The following KCNIP4 variants were observed in gnomAD, a reference collection of about 807,000 sequenced individuals.
KCNIP4 encodes Kv channel-interacting protein 4.
Under a neutral mutation model 34.0 loss-of-function variants are expected in KCNIP4, and 12 were observed. That is an observed-to-expected ratio of 0.35 (90% CI 0.23 to 0.57). The LOEUF (loss-of-function observed/expected upper bound fraction) is 0.57. KCNIP4 is among the 20% of genes least tolerant of loss of function. The probability of loss-of-function intolerance (pLI) is 0.83; values close to 1 mark genes in which losing one functional copy is unlikely to be tolerated. For synonymous variants in KCNIP4, 124 were observed against 102.2 expected (o/e 1.21, Z -1.29); for missense variants, 238 against 311.7 (o/e 0.76, Z 1.78).
chr4:21,260,612 C>T (rs1056818666), intron 1 of KCNIP4, among the ~76,000 whole-genome samples: 1 of 152,160 alleles, frequency 6.6e-6, no homozygotes, highest in Non-Finnish European at 1.5e-5. Flanking sequence ...GGCTTTAAGA[C>T]TAGTCACAAA....
chr4:20,910,197 TTAGAG>T (rs1310732837), intron 1 of KCNIP4, among the ~76,000 whole-genome samples: 4 of 152,312 alleles, frequency 2.6e-5, no homozygotes, highest in African/African-American at 9.6e-5. Context: ...TCACCTCACT[TTAGAG>T]TAGTAAATCT....
intron 1 of KCNIP4, among the ~76,000 whole-genome samples, chr4:21,500,871 T>A (rs10026331): frequency 0.046 from 6,950 of 152,178 alleles, 496 homozygotes; most frequent in African/African-American, 0.16. Flanking sequence ...GAGGATGACA[T>A]CAATCACATC....
intron 3 of KCNIP4, among the ~76,000 whole-genome samples, chr4:20,848,399 G>A (rs1720626908): frequency 2.0e-5 from 3 of 151,348 alleles, no homozygotes; most frequent in Admixed American, 2.0e-4. Flanking sequence ...TAAGAGGTGG[G>A]GTCAGAAGGA....
intron 1 of KCNIP4, among the ~76,000 whole-genome samples, chr4:21,441,374 A>G (rs1016743395): frequency 1.3e-5 from 2 of 151,654 alleles, no homozygotes; most frequent in Admixed American, 1.3e-4. Flanking sequence ...CGATCTCCTG[A>G]CCTCGTGATC....
At chr4:21,632,131 C>G (rs1745807679) in intron 1 of KCNIP4, among the ~76,000 whole-genome samples, 1 of 152,144 alleles carries the variant, frequency 6.6e-6, no homozygotes. Context: ...TGATGATCTT[C>G]TAACATAATA....
intron 3 of KCNIP4, among the ~76,000 whole-genome samples, chr4:20,778,819 T>C (rs1324572332): frequency 6.6e-6 from 1 of 152,174 alleles, no homozygotes; most frequent in East Asian, 1.9e-4. Context: ...AGGAATTTTA[T>C]GTAAGAGTAT....
intron 3 of KCNIP4, among the ~76,000 whole-genome samples, chr4:20,837,389 G>T (rs998631605): frequency 1.3e-5 from 2 of 151,942 alleles, no homozygotes; most frequent in South Asian, 2.1e-4. Context: ...ATGCCTGCAG[G>T]ATCACTGGAA....
chr4:20,832,932 T>C (rs1411133183), intron 3 of KCNIP4, among the ~76,000 whole-genome samples: 2 of 152,182 alleles, frequency 1.3e-5, no homozygotes, highest in Non-Finnish European at 1.5e-5. Context: ...TGCTTTCTTT[T>C]ATTATTTGGA....
chr4:21,700,059 A>C (rs1387440641), intron 1 of KCNIP4, among the ~76,000 whole-genome samples: 1 of 152,202 alleles, frequency 6.6e-6, no homozygotes, highest in African/African-American at 2.4e-5. Context: ...TTAGTTTGGG[A>C]CATGAATAAC....
intron 1 of KCNIP4, among the ~76,000 whole-genome samples, chr4:20,930,242 A>T (rs556733331): frequency 6.6e-6 from 1 of 152,086 alleles, no homozygotes; most frequent in African/African-American, 2.4e-5. Context: ...CAAGGGTACC[A>T]ACAGGACACC....
chr4:21,833,693 T>C (rs1723141496), intron 1 of KCNIP4, among the ~76,000 whole-genome samples: 1 of 151,852 alleles, frequency 6.6e-6, no homozygotes, highest in South Asian at 2.1e-4. Flanking sequence ...TGGTAATGCC[T>C]AGGTTTTCTT....
In KCNIP4 at chr4:20,888,200, G is replaced by C. The variant is rs567801648; in HGVS notation, c.62-5491C>G. On this transcript the variant is annotated intron_variant, in intron 1 of 8. Transcript: ENST00000382152. The stretch of plus-strand genomic sequence containing the variant: ...GAATAGAGGGACAAAAAGTAGAAGG[G>C]ATGAGTAGAAAATACATAAGATAGT... Among the ~76,000 whole-genome samples the C allele has an allele frequency of 2.0e-5, 3 of 152,030 alleles. 1 individual carries two copies. The highest frequency in any genetic ancestry group is 7.2e-5 in the African/African-American group (3 of 41,514).
chr4:21,504,475 A>AAAAAAAAAAAAAAAGAAAG (rs1264431211), intron 1 of KCNIP4, among the ~76,000 whole-genome samples: 4 of 101,878 alleles, frequency 3.9e-5, no homozygotes, highest in African/African-American at 1.2e-4. Context: ...CAAAAAAAAA[A>AAAAAAAAAAAAAAAGAAAG]AAAGAAAGAA....
intron 1 of KCNIP4, among the ~76,000 whole-genome samples, chr4:21,620,641 C>G (rs1032889758): frequency 2.0e-5 from 3 of 152,090 alleles, no homozygotes; most frequent in African/African-American, 7.2e-5. Flanking sequence ...GAAAAAATAG[C>G]ATTGATGAAA....
chr4:20,859,623 A>G (rs534471983), intron 2 of KCNIP4, among the ~76,000 whole-genome samples: 77 of 152,198 alleles, frequency 5.1e-4, no homozygotes, highest in African/African-American at 1.8e-3. Flanking sequence ...TTGGAATTCA[A>G]ATCATCTAGG....
At chr4:21,857,600 C>T (rs1441167597) in intron 1 of KCNIP4, among the ~76,000 whole-genome samples, 2 of 152,076 alleles carry the variant, frequency 1.3e-5, no homozygotes, top group African/African-American at 2.4e-5. Context: ...GCTGAACACT[C>T]GTCAGGACAC....
intron 1 of KCNIP4, among the ~76,000 whole-genome samples, chr4:21,068,744 T>G (rs1412719150): frequency 6.6e-6 from 1 of 152,234 alleles, no homozygotes; most frequent in East Asian, 1.9e-4. Flanking sequence ...GTAATAGTAC[T>G]TGCCACCATA....
intron 1 of KCNIP4, among the ~76,000 whole-genome samples, chr4:20,930,836 T>C: frequency 9.9e-6 from 1 of 101,522 alleles, no homozygotes; most frequent in Non-Finnish European, 2.4e-5. Context: ...GGATGGCTAT[T>C]ATAAAAAAAA....
At chr4:20,958,038 C>A (rs1733487104) in intron 1 of KCNIP4, among the ~76,000 whole-genome samples, 1 of 152,160 alleles carries the variant, frequency 6.6e-6, no homozygotes, top group Non-Finnish European at 1.5e-5. Flanking sequence ...AATCATCGAG[C>A]CAGGCAAGGA....
Sources: allele counts gnomAD v4.1 joint callset (sites outside exome capture counted in the v4.1 genomes callset), GRCh38; gene constraint gnomAD v4.1.1; transcripts MANE v1.5; gene names NCBI Gene and HGNC (gene_info 2026-07-23, HGNC 2026-07-21).